Variants in ARHGEF26 observed in about 807,000 individuals in gnomAD.
The protein encoded by ARHGEF26 is Rho guanine nucleotide exchange factor (GEF) 26.
ARHGEF26 carries 59 observed loss-of-function variants against 89.4 expected under a neutral mutation model. That is an observed-to-expected ratio of 0.66 (90% CI 0.54 to 0.82). ARHGEF26 has a LOEUF of 0.82. ARHGEF26 is among the 40% of genes least tolerant of loss of function. ARHGEF26 has a pLI of 0.00. For missense variants in ARHGEF26, 1,234 were observed against 1,085.6 expected (o/e 1.14, Z -1.92); for synonymous variants, 500 against 428.4 (o/e 1.17, Z -2.06).
intron 8 of ARHGEF26, among the ~76,000 whole-genome samples, chr3:154,193,026 A>G (rs552410174): frequency 8.6e-5 from 13 of 150,896 alleles, no homozygotes; most frequent in Non-Finnish European, 1.8e-4. Context: ...ATTGCTCAGT[A>G]GGCTTTAAAC....
intron 11 of ARHGEF26, among the ~76,000 whole-genome samples, chr3:154,237,573 CTT>C (rs1261344762): frequency 1.9e-3 from 282 of 151,094 alleles, no homozygotes; most frequent in Non-Finnish European, 3.3e-3. Flanking sequence ...CACACACACA[CTT>C]AACTAGTTTA....
chr3:154,187,850 G>A lies in ARHGEF26; in HGVS notation c.1640+13G>A, dbSNP rs560513180. The A allele has an allele frequency of 5.0e-6, 8 of 1,600,744 alleles. No homozygotes were observed. Among genetic ancestry groups the A allele is most frequent in the African/African-American group, 2.7e-5 (2 of 74,664 alleles). On this transcript the variant is annotated intron_variant, in intron 7 of 14. Transcript: ENST00000465093. ...TACAAAAATTGTTGTAAGCAATGTC[G>A]AATGCTACAGTTTTAATCATCTAAC...
chr3:154,189,075 C>A (rs1713777249), intron 7 of ARHGEF26, among the ~76,000 whole-genome samples: 1 of 152,092 alleles, frequency 6.6e-6, no homozygotes, highest in South Asian at 2.1e-4. Context: ...CCACCACGCC[C>A]TGGTGGGAAC....
chr3:154,225,945 G>T lies in ARHGEF26; in HGVS notation c.2025G>T (p.Arg675Ser), dbSNP rs775562063. ...YVEDTVLFSR[R>S]TSKQQVYFFL... is the part of the protein sequence containing the mutation. Reference sequence around the variant, plus strand: ...AAGACACTGTGCTTTTCTCAAGAAGGACATCCAAACAGCAAGTCTACTTCT... The same window carrying T: ...AAGACACTGTGCTTTTCTCAAGAAGTACATCCAAACAGCAAGTCTACTTCT... Residue 675 changes from arginine (R) to serine (S), a missense_variant, in exon 11 of 15, where the codon AGG becomes AGT. Arg to Ser is a moderately radical substitution (Grantham distance 110). Coordinates refer to ENST00000465093, the MANE Select transcript of ARHGEF26 (RefSeq NM_015595.4). The T allele has an allele frequency of 4.8e-5, 77 of 1,613,084 alleles. No homozygotes were observed. Among genetic ancestry groups the T allele is most frequent in the Non-Finnish European group, 6.4e-5 (75 of 1,179,546 alleles).
chr3:154,152,663 A>G (rs1046073648), intron 5 of ARHGEF26, 109 bp from the exon 6 acceptor site: 1 of 759,668 alleles, frequency 1.3e-6, no homozygotes, highest in East Asian at 3.1e-5. Context: ...CCAAGATACT[A>G]TACCTGAAAA....
intron 11 of ARHGEF26, among the ~76,000 whole-genome samples, chr3:154,239,334 G>A (rs906630366): frequency 9.6e-6 from 1 of 104,272 alleles, no homozygotes; most frequent in African/African-American, 3.5e-5. Context: ...GTGTGTGTGT[G>A]TGTGTGTATG....
intron 9 of ARHGEF26, among the ~76,000 whole-genome samples, chr3:154,199,188 C>A (rs1266821429): frequency 6.6e-6 from 1 of 151,684 alleles, no homozygotes; most frequent in Non-Finnish European, 1.5e-5. Context: ...TACCCATTAA[C>A]CATCCCCACC....
chr3:154,243,672 T>G (rs1018380052), intron 12 of ARHGEF26, among the ~76,000 whole-genome samples: 1 of 152,198 alleles, frequency 6.6e-6, no homozygotes, highest in African/African-American at 2.4e-5. Context: ...CAAGAGAACA[T>G]TCCAGAAGGG....
chr3:154,225,739 A>C (rs929306733), intron 10 of ARHGEF26, 117 bp from the exon 11 acceptor site: 8 of 1,106,938 alleles, frequency 7.2e-6, no homozygotes, highest in Non-Finnish European at 9.9e-6. Context: ...CCTATAAAAC[A>C]ATGATGCATA....
intron 6 of ARHGEF26, among the ~76,000 whole-genome samples, chr3:154,156,237 C>T (rs1442452383): frequency 6.6e-6 from 1 of 151,878 alleles, no homozygotes; most frequent in Non-Finnish European, 1.5e-5. Flanking sequence ...AATTGGTTAA[C>T]CTTGAAATAA....
chr3:154,154,139 C>T (rs1190009382), intron 6 of ARHGEF26, among the ~76,000 whole-genome samples: 1 of 152,012 alleles, frequency 6.6e-6, no homozygotes, highest in Non-Finnish European at 1.5e-5. Context: ...TGGTAAAGTT[C>T]ACGTTATTCT....
intron 10 of ARHGEF26, among the ~76,000 whole-genome samples, chr3:154,221,806 G>T (rs921701401): frequency 3.3e-5 from 5 of 152,210 alleles, no homozygotes; most frequent in African/African-American, 1.2e-4. Flanking sequence ...AGGGGCAGTG[G>T]TCAGGGAGTG....
chr3:154,136,658 C>A (rs1290211495), intron 4 of ARHGEF26, among the ~76,000 whole-genome samples: 2 of 152,158 alleles, frequency 1.3e-5, no homozygotes, highest in African/African-American at 2.4e-5. Flanking sequence ...ATGTAATATA[C>A]CTGAATGTCA....
At chr3:154,228,282 C>T (rs931661878) in intron 11 of ARHGEF26, among the ~76,000 whole-genome samples, 1 of 151,818 alleles carries the variant, frequency 6.6e-6, no homozygotes, top group African/African-American at 2.4e-5. Context: ...GGATTACAGG[C>T]ATGCGCCACC....
At chr3:154,232,523 C>A (rs1016048580) in intron 11 of ARHGEF26, among the ~76,000 whole-genome samples, 1 of 152,086 alleles carries the variant, frequency 6.6e-6, no homozygotes, top group Non-Finnish European at 1.5e-5. Flanking sequence ...GGGTATTTAG[C>A]TCTAATTATG....
chr3:154,189,717 G>C (rs1469088627), intron 7 of ARHGEF26, among the ~76,000 whole-genome samples: 1 of 152,124 alleles, frequency 6.6e-6, no homozygotes, highest in Non-Finnish European at 1.5e-5. Context: ...GCCTGAAAAT[G>C]AGCAAATGTA....
In ARHGEF26 at chr3:154,256,605, C is replaced by T. The variant is rs1038519548; in HGVS notation, c.*1132C>T. On this transcript the variant is annotated 3_prime_UTR_variant, in exon 15 of 15. Transcript: ENST00000465093. ...CCCAAATGAGCTGATAAAAAACTGACGTGAGGCTGCTTTGCCTTCAATAAT... is the reference window on the plus strand; with the variant it reads ...CCCAAATGAGCTGATAAAAAACTGATGTGAGGCTGCTTTGCCTTCAATAAT... 1.2e-4 allele frequency: 119 copies of T among 996,234 alleles called. 1 individual carries two copies. Among genetic ancestry groups the T allele is most frequent in the Admixed American group, 2.6e-4 (4 of 15,634 alleles). The allele number at this position is 996,234 out of a possible 1,614,324, so 61.7% of individuals were successfully genotyped here.
At chr3:154,161,100 T>TG (rs1553740490) in intron 6 of ARHGEF26, among the ~76,000 whole-genome samples, 20 of 17,632 alleles carry the variant, frequency 1.1e-3, no homozygotes, top group South Asian at 0.014. Context: ...GTAGCCAGGT[T>TG]TGTGTGTGTG....
chr3:154,209,379 T>G (rs1291245813), intron 9 of ARHGEF26, among the ~76,000 whole-genome samples: 1 of 152,170 alleles, frequency 6.6e-6, no homozygotes, highest in East Asian at 1.9e-4. Context: ...CTTCACTGTT[T>G]GGGCTTATTT....
Sources: gnomAD v4.1 joint callset for allele counts (sites outside exome capture counted in the v4.1 genomes callset) on GRCh38, gnomAD v4.1.1 for gene constraint, MANE v1.5 for transcripts, NCBI Gene and HGNC (gene_info 2026-07-23, HGNC 2026-07-21) for gene names.